Variants in TIGAR observed in about 807,000 individuals in gnomAD.
The protein encoded by TIGAR is fructose-2,6-bisphosphatase TIGAR.
In TIGAR, 7 loss-of-function variants were observed where a neutral mutation model predicts 17.9. The observed-to-expected ratio is 0.39, with a 90% confidence interval of 0.22 to 0.73. The LOEUF is 0.73. TIGAR is among the 30% of genes least tolerant of loss of function. The probability of loss-of-function intolerance (pLI) is 0.42; values close to 1 mark genes in which losing one functional copy is unlikely to be tolerated. For synonymous variants in TIGAR, 94 were observed against 108.6 expected (o/e 0.87, Z 0.84); for missense variants, 258 against 327.4 (o/e 0.79, Z 1.64).
At chr12:4,347,067 A>G (rs867423250) in intron 3 of TIGAR, among the ~76,000 whole-genome samples, 2 of 152,346 alleles carry the variant, frequency 1.3e-5, no homozygotes, top group Middle Eastern at 3.4e-3. Context: ...ACCCAAAGAA[A>G]GGAAATCAGG....
chr12:4,328,827 G>A (rs1366598917), intron 1 of TIGAR, among the ~76,000 whole-genome samples: 3 of 151,930 alleles, frequency 2.0e-5, no homozygotes, highest in African/African-American at 4.8e-5. Context: ...TGCCCACCTC[G>A]GCCTCCCAAA....
At chr12:4,339,265 A>G (rs1247664120) in intron 3 of TIGAR, among the ~76,000 whole-genome samples, 1 of 152,204 alleles carries the variant, frequency 6.6e-6, no homozygotes, top group Non-Finnish European at 1.5e-5. Context: ...AAGGGCTACT[A>G]TCAGCAACTA....
At chr12:4,342,217 C>T (rs1221567759) in intron 3 of TIGAR, among the ~76,000 whole-genome samples, 2 of 152,100 alleles carry the variant, frequency 1.3e-5, no homozygotes, top group African/African-American at 4.8e-5. Context: ...ACAAAGCCTC[C>T]AAGAAATATG....
chr12:4,355,544 T>C lies in TIGAR; in HGVS notation c.*2853T>C, dbSNP rs181613893. On this transcript the variant is annotated 3_prime_UTR_variant, in exon 6 of 6. Coordinates refer to ENST00000179259, the MANE Select transcript of TIGAR (RefSeq NM_020375.3). ...TGGTCAATTTCCAGAAAAATTCTGTTACAAATTTTATTGGAGTCACATGCA... is the reference window on the plus strand; with the variant it reads ...TGGTCAATTTCCAGAAAAATTCTGTCACAAATTTTATTGGAGTCACATGCA... Among the ~76,000 whole-genome samples the C allele has an allele frequency of 1.3e-5, 2 of 152,246 alleles. No individual in the cohort carries two copies. The highest frequency in any genetic ancestry group is 4.8e-5 in the African/African-American group (2 of 41,460).
intron 3 of TIGAR, among the ~76,000 whole-genome samples, chr12:4,341,162 G>C (rs1380609886): frequency 6.6e-6 from 1 of 152,124 alleles, no homozygotes; most frequent in Non-Finnish European, 1.5e-5. Context: ...TTAATAACCA[G>C]AGTATATAAG....
At chr12:4,349,284 G>A (rs1164818514) in intron 3 of TIGAR, among the ~76,000 whole-genome samples, 5 of 152,294 alleles carry the variant, frequency 3.3e-5, no homozygotes, top group Middle Eastern at 3.4e-3. Flanking sequence ...AAAAGCAGAT[G>A]ATGGTCTGGA....
intron 3 of TIGAR, among the ~76,000 whole-genome samples, chr12:4,341,962 C>A (rs1433749933): frequency 1.3e-5 from 2 of 152,142 alleles, no homozygotes; most frequent in Non-Finnish European, 2.9e-5. Flanking sequence ...AGTTCGAACC[C>A]ATTGCAAAGA....
chr12:4,324,742 G>T, intron 1 of TIGAR: 1 of 691,452 alleles, frequency 1.4e-6, no homozygotes, highest in Admixed American at 2.1e-5. Flanking sequence ...CCGTCCCGCA[G>T]CTGGTCCAAG....
rs1170914381 is a variant in TIGAR, at chr12:4,357,972, C to T, written c.*5281C>T. On this transcript the variant is annotated 3_prime_UTR_variant, in exon 6 of 6. Transcript: ENST00000179259. ...AGAAAAAATTAGCCAGGCCTGGTGG[C>T]CGGCGCCTGTAGTCCCAGCTACTTG... is the stretch of plus-strand genomic sequence containing the variant. 2.6e-5 allele frequency among the ~76,000 whole-genome samples: 4 copies of T among 151,864 alleles called. No individual in the cohort carries two copies. Among genetic ancestry groups the T allele is most frequent in the Non-Finnish European group, 5.9e-5 (4 of 67,988 alleles).
chr12:4,350,055 G>A (rs1325568124), intron 4 of TIGAR, among the ~76,000 whole-genome samples, 159 bp downstream of exon 4: 5 of 152,076 alleles, frequency 3.3e-5, no homozygotes, highest in Admixed American at 1.3e-4. Context: ...ACATACCCTC[G>A]TATATAGGAT....
intron 4 of TIGAR, among the ~76,000 whole-genome samples, chr12:4,350,670 G>T (rs1038888801): frequency 1.3e-5 from 2 of 151,898 alleles, no homozygotes; most frequent in African/African-American, 2.4e-5. Context: ...CCAGCTACTC[G>T]GGAGGCTGAG....
At chr12:4,327,276 G>A (rs1478518732) in intron 1 of TIGAR, among the ~76,000 whole-genome samples, 6 of 152,088 alleles carry the variant, frequency 3.9e-5, no homozygotes, top group African/African-American at 1.4e-4. Flanking sequence ...GAGCGTGGTG[G>A]CGCTTGCCTG....
At chr12:4,350,543 A>G (rs960465788) in intron 4 of TIGAR, among the ~76,000 whole-genome samples, 1 of 152,196 alleles carries the variant, frequency 6.6e-6, no homozygotes, top group Non-Finnish European at 1.5e-5. Context: ...TGGGAGGCCA[A>G]GGTGGGCAGA....
Position 4,351,352 on chromosome 12 carries a change from C to A in TIGAR, c.356C>A (p.Pro119Gln), listed in dbSNP as rs547127865. Residue 119 changes from proline (P) to glutamine (Q), a missense_variant, in exon 5 of 6, where the codon CCG (proline) becomes CAG (glutamine). Pro to Gln is a moderately conservative substitution (Grantham distance 76). Transcript: ENST00000179259. ...AAREECPVFT[P>Q]PGGETLDQVK... ...AGGGAAGAGTGCCCTGTGTTTACAC[C>A]GCCCGGAGGAGAGACGCTGGACCAG... 1 of 1,614,100 alleles carries A rather than the reference C, an allele frequency of 6.2e-7. No homozygotes were observed. The highest frequency in any genetic ancestry group is 8.5e-7 in the Non-Finnish European group (1 of 1,179,998).
In TIGAR at chr12:4,357,315, C is replaced by T. The variant is rs548680296; in HGVS notation, c.*4624C>T. 6.6e-6 allele frequency among the ~76,000 whole-genome samples: 1 copy of T among 152,296 alleles called. No homozygotes were observed. Among genetic ancestry groups the T allele is most frequent in the East Asian group, 1.9e-4 (1 of 5,188 alleles). ...CAGTCACAATTTAATTGAAATAGAT[C>T]ATCCTAGGTGAATCCACCTGGCATA... On this transcript the variant is annotated 3_prime_UTR_variant, in exon 6 of 6. Transcript: ENST00000179259.
intron 1 of TIGAR, among the ~76,000 whole-genome samples, chr12:4,330,071 A>G (rs1864587990): frequency 6.6e-6 from 1 of 152,172 alleles, no homozygotes; most frequent in Non-Finnish European, 1.5e-5. Context: ...ATCTTGGCAG[A>G]GGTTGGCATA....
Position 4,339,678 on chromosome 12 carries a change from C to G in TIGAR, c.192+2518C>G, listed in dbSNP as rs866913932. 2.4e-4 allele frequency among the ~76,000 whole-genome samples: 36 copies of G among 152,188 alleles called. No individual in the cohort carries two copies. The Middle Eastern group carries it at 0.01, about 43-fold the overall frequency. On this transcript the variant is annotated intron_variant, in intron 3 of 5. Transcript: ENST00000179259. ...ACTAGCAAACCAAATTCAACAATAC[C>G]ATTAGAAAGATCATTCTACCTGACT...
intron 2 of TIGAR, among the ~76,000 whole-genome samples, chr12:4,335,139 G>T (rs557824894): frequency 6.6e-6 from 1 of 152,244 alleles, no homozygotes; most frequent in East Asian, 1.9e-4. Context: ...CTGGGCTCAA[G>T]TGATTCTCCT....
chr12:4,337,737 A>G (rs571651410), intron 3 of TIGAR, among the ~76,000 whole-genome samples: 28 of 152,384 alleles, frequency 1.8e-4, no homozygotes, highest in African/African-American at 5.5e-4. Context: ...CCACTGTGAC[A>G]TCAGGTATTA....
Sources: allele counts gnomAD v4.1 joint callset (sites outside exome capture counted in the v4.1 genomes callset), GRCh38; gene constraint gnomAD v4.1.1; transcripts MANE v1.5; gene names NCBI Gene and HGNC (gene_info 2026-07-23, HGNC 2026-07-21).